PDE3A: variants seen among roughly 807,000 people sequenced by gnomAD.
PDE3A encodes the protein phosphodiesterase 3A, also known as cGMP-inhibited 3',5'-cyclic phosphodiesterase 3A.
Under a neutral mutation model 98.3 loss-of-function variants are expected in PDE3A, and 43 were observed. The ratio of observed to expected loss-of-function variants is 0.44; its 90% CI spans 0.34 to 0.56. The LOEUF is 0.56. Among genes scored for constraint, PDE3A ranks in the 20% least tolerant of loss-of-function variants. The pLI is 0.01. For synonymous variants in PDE3A, 663 were observed against 567.9 expected (o/e 1.17, Z -2.38); for missense variants, 1,427 against 1,440.7 (o/e 0.99, Z 0.15).
intron 1 of PDE3A, among the ~76,000 whole-genome samples, chr12:20,402,784 G>A (rs1244270609): frequency 1.3e-5 from 2 of 152,084 alleles, no homozygotes; most frequent in Non-Finnish European, 2.9e-5. Flanking sequence ...TGAAAAATAG[G>A]TCTGTATCCT....
chr12:20,400,196 T>C (rs898291748), intron 1 of PDE3A, among the ~76,000 whole-genome samples: 4 of 152,002 alleles, frequency 2.6e-5, no homozygotes, highest in Non-Finnish European at 4.4e-5. Flanking sequence ...CTGGTGCATG[T>C]CCGACTGAGC....
chr12:20,540,778 T>C (rs943596110), intron 1 of PDE3A, among the ~76,000 whole-genome samples: 1 of 152,102 alleles, frequency 6.6e-6, no homozygotes, highest in African/African-American at 2.4e-5. Context: ...AGGAAAACTT[T>C]GGCTAGGACA....
At chr12:20,376,975 A>G (rs759248909) in intron 1 of PDE3A, among the ~76,000 whole-genome samples, 2 of 151,862 alleles carry the variant, frequency 1.3e-5, no homozygotes, top group African/African-American at 4.8e-5. Flanking sequence ...AGTCCTGCTA[A>G]CATAATAATA....
intron 14 of PDE3A, 103 bp from the exon 15 acceptor site, chr12:20,653,844 A>C (rs1944977771): frequency 8.5e-7 from 1 of 1,179,028 alleles, no homozygotes; most frequent in Non-Finnish European, 1.2e-6. Flanking sequence ...AGGATCCTTT[A>C]GCTGTCAAGT....
intron 1 of PDE3A, 32 bp from the exon 2 acceptor site, chr12:20,556,628 C>T (rs752092348): frequency 2.8e-6 from 4 of 1,407,428 alleles, no homozygotes; most frequent in Non-Finnish European, 4.0e-6. Flanking sequence ...GTAAAATAAT[C>T]ATTTAACTTA....
Position 20,633,010 on chromosome 12 carries a change from G to C in PDE3A, c.1761-683G>C, listed in dbSNP as rs138143461. On this transcript the variant is annotated intron_variant, in intron 6 of 15. Coordinates refer to ENST00000359062, the MANE Select transcript of PDE3A (RefSeq NM_000921.5). ...CTGTTACCCAGGCTGGAGTGCAGTG[G>C]TGCAATCTCCACTCACTGCAGCCTC... is the stretch of plus-strand genomic sequence containing the variant. 4.3e-3 allele frequency among the ~76,000 whole-genome samples: 599 copies of C among 139,288 alleles called. 2 individuals are homozygous for C. The highest frequency in any genetic ancestry group is 7.0e-3 in the Non-Finnish European group (465 of 66,232). 91.4% of individuals were successfully genotyped at this position (139,288 alleles called of 152,430 possible).
In PDE3A at chr12:20,509,331, C is replaced by A. The variant is rs576702381; in HGVS notation, c.961-47329C>A. Among the ~76,000 whole-genome samples, 247 of 151,758 alleles carry A rather than the reference C, an allele frequency of 1.6e-3. 2 individuals carry two copies. The highest frequency in any genetic ancestry group is 5.7e-3 in the African/African-American group (238 of 41,478). On this transcript the variant is annotated intron_variant, in intron 1 of 15. Transcript: ENST00000359062. ...GTTTTAGGTGTTGGGCAAAGCCTTT[C>A]CTTTAGTGTTCTGGGCTTCTAGAGC...
intron 6 of PDE3A, among the ~76,000 whole-genome samples, chr12:20,631,616 CT>C (rs781117302): frequency 1.3e-5 from 2 of 151,266 alleles, no homozygotes; most frequent in Non-Finnish European, 2.9e-5. Context: ...GGGTTCCGGA[CT>C]TTTGGGAAAT....
Position 20,646,782 on chromosome 12 carries a change from G to A in PDE3A, c.2397G>A (p.Met799Ile), listed in dbSNP as rs747692530. The change falls in exon 12 of 16, where the codon ATG becomes ATA. Residue 799 changes from methionine to isoleucine, a missense_variant. By Grantham distance (10) the Met-to-Ile change is conservative. Coordinates refer to ENST00000359062, the MANE Select transcript of PDE3A (RefSeq NM_000921.5). Reference protein sequence around the residue: ...DSDSGFTHGHMGYVFSKTYNV... With the variant: ...DSDSGFTHGHIGYVFSKTYNV... ...ACAGTGGATTTACACATGGACATAT[G>A]GGATATGTATTCTCAAAAACGTATA... is the stretch of plus-strand genomic sequence containing the variant. The A allele has an allele frequency of 4.1e-5, 65 of 1,603,824 alleles. No homozygotes were observed. In the Admixed American group the frequency reaches 5.0e-4, roughly 12 times the overall value.
chr12:20,589,958 G>A (rs1344386191), intron 2 of PDE3A, among the ~76,000 whole-genome samples: 2 of 151,632 alleles, frequency 1.3e-5, no homozygotes, highest in East Asian at 1.9e-4. Flanking sequence ...CTACACTCAC[G>A]GTCATAATAG....
chr12:20,376,454 G>T (rs1224816123), intron 1 of PDE3A, among the ~76,000 whole-genome samples: 3 of 151,870 alleles, frequency 2.0e-5, no homozygotes, highest in Non-Finnish European at 2.9e-5. Context: ...TGAATAATCA[G>T]ATTGAGTGTC....
chr12:20,433,474 T>C (rs903385826), intron 1 of PDE3A, among the ~76,000 whole-genome samples: 2 of 152,110 alleles, frequency 1.3e-5, no homozygotes, highest in African/African-American at 4.8e-5. Context: ...GGGTACTGCT[T>C]GGGGTCTCTA....
intron 1 of PDE3A, among the ~76,000 whole-genome samples, chr12:20,373,994 T>C (rs1480788498): frequency 8.5e-5 from 13 of 152,156 alleles, no homozygotes; most frequent in African/African-American, 1.4e-4. Flanking sequence ...ATTGTTCAAA[T>C]TGAGTAAGTT....
At chr12:20,426,366 A>T (rs995078179) in intron 1 of PDE3A, among the ~76,000 whole-genome samples, 7 of 152,224 alleles carry the variant, frequency 4.6e-5, no homozygotes, top group African/African-American at 1.7e-4. Context: ...ACTGCTTAAA[A>T]GAGAAAAAAA....
intron 5 of PDE3A, among the ~76,000 whole-genome samples, chr12:20,621,881 G>A (rs1469766183): frequency 6.6e-6 from 1 of 151,976 alleles, no homozygotes; most frequent in Admixed American, 6.6e-5. Flanking sequence ...TGATATCGGG[G>A]AAGACTACCT....
chr12:20,676,987 CA>C (rs1945657734), intron 15 of PDE3A, among the ~76,000 whole-genome samples: 1 of 152,158 alleles, frequency 6.6e-6, no homozygotes, highest in Admixed American at 6.5e-5. Flanking sequence ...CCTTCTGGGA[CA>C]CTGAAAATTC....
At chr12:20,573,666 T>G (rs984924061) in intron 2 of PDE3A, among the ~76,000 whole-genome samples, 1 of 152,134 alleles carries the variant, frequency 6.6e-6, no homozygotes, top group African/African-American at 2.4e-5. Context: ...CATGAAGATA[T>G]CCAAACACTT....
intron 1 of PDE3A, among the ~76,000 whole-genome samples, chr12:20,371,047 A>G (rs1290411439): frequency 6.6e-6 from 1 of 152,190 alleles, no homozygotes; most frequent in African/African-American, 2.4e-5. Context: ...ATTTATGCAG[A>G]TTTTACAGGA....
chr12:20,680,405 C>T lies in PDE3A; in HGVS notation c.*134C>T. 1.1e-6 allele frequency: 1 copy of T among 931,164 alleles called. No homozygotes were observed. Among genetic ancestry groups the T allele is most frequent in the Admixed American group, 2.8e-5 (1 of 35,416 alleles). 57.7% of individuals were successfully genotyped at this position (931,164 alleles called of 1,614,324 possible). On this transcript the variant is annotated 3_prime_UTR_variant, in exon 16 of 16. Coordinates refer to ENST00000359062, the MANE Select transcript of PDE3A (RefSeq NM_000921.5). ...GGCTATTGCATTTTGGGATTCTTCG[C>T]ATTTTGTGTGTATATTTTTACAGTG... is the stretch of plus-strand genomic sequence containing the variant.
Sources: allele counts gnomAD v4.1 joint callset (sites outside exome capture counted in the v4.1 genomes callset), GRCh38; gene constraint gnomAD v4.1.1; transcripts MANE v1.5; gene names NCBI Gene and HGNC (gene_info 2026-07-23, HGNC 2026-07-21).